Variants in IL15 observed in about 807,000 individuals in gnomAD.
The protein encoded by IL15 is interleukin-15.
IL15 carries 11 observed loss-of-function variants against 19.6 expected under a neutral mutation model. The ratio of observed to expected loss-of-function variants is 0.56; its 90% CI spans 0.35 to 0.93. The LOEUF is 0.93. IL15 is among the 40% of genes least tolerant of loss of function. The pLI, the probability that IL15 is intolerant of heterozygous loss-of-function variation, is 0.01. For missense variants in IL15, 197 were observed against 186.5 expected, an observed-to-expected ratio of 1.06 and a Z score of -0.33; for synonymous variants, 58 against 59.6, an observed-to-expected ratio of 0.97 and a Z score of 0.12.
intron 2 of IL15, among the ~76,000 whole-genome samples, chr4:141,682,241 C>A (rs1227217643): frequency 6.6e-6 from 1 of 152,126 alleles, no homozygotes; most frequent in Non-Finnish European, 1.5e-5. Flanking sequence ...CACAAATATT[C>A]AGCTTTGTTC....
chr4:141,723,550 G>A (rs1014644164), intron 5 of IL15, among the ~76,000 whole-genome samples: 3 of 152,108 alleles, frequency 2.0e-5, no homozygotes, highest in Admixed American at 2.0e-4. Context: ...CTTGACTTTG[G>A]ACTTCCAGTC....
At chr4:141,719,627 A>G (rs1730007777) in intron 3 of IL15, 151 bp downstream of exon 3, 1 of 635,122 alleles carries the variant, frequency 1.6e-6, no homozygotes, top group Non-Finnish European at 2.6e-6. Context: ...CTTATTTTGA[A>G]AATAAATAGG....
At chr4:141,646,189 G>A (rs1225979021) in intron 1 of IL15, among the ~76,000 whole-genome samples, 1 of 151,886 alleles carries the variant, frequency 6.6e-6, no homozygotes. Context: ...TATTAATCAG[G>A]TTATGCTACT....
intron 1 of IL15, among the ~76,000 whole-genome samples, chr4:141,643,299 C>G (rs1727114932): frequency 6.6e-6 from 1 of 151,942 alleles, no homozygotes; most frequent in Non-Finnish European, 1.5e-5. Flanking sequence ...TCATGTTTTT[C>G]TCCTCATGTT....
At chr4:141,705,461 A>C (rs905387474) in intron 2 of IL15, among the ~76,000 whole-genome samples, 1 of 152,044 alleles carries the variant, frequency 6.6e-6, no homozygotes, top group African/African-American at 2.4e-5. Flanking sequence ...TATGATCTCT[A>C]TCTTCTTAAA....
chr4:141,678,889 C>A (rs1381881849), intron 2 of IL15, among the ~76,000 whole-genome samples: 1 of 152,176 alleles, frequency 6.6e-6, no homozygotes, highest in Non-Finnish European at 1.5e-5. Flanking sequence ...TGTGAGCCAC[C>A]ACGCCCGGCC....
chr4:141,649,411 T>C (rs954219183), intron 1 of IL15, among the ~76,000 whole-genome samples: 13 of 152,208 alleles, frequency 8.5e-5, no homozygotes, highest in Non-Finnish European at 1.0e-4. Context: ...TGGTGACTGG[T>C]GCAGGGACTA....
intron 2 of IL15, among the ~76,000 whole-genome samples, chr4:141,693,016 C>CAAAAAAGAAAAAAAAA (rs1728968773): frequency 4.3e-5 from 1 of 23,232 alleles, no homozygotes; most frequent in African/African-American, 1.6e-4. Flanking sequence ...GACTCCGTCT[C>CAAAAAAGAAAAAAAAA]AAAAAAAAAA....
intron 2 of IL15, among the ~76,000 whole-genome samples, chr4:141,681,291 T>C (rs1471411711): frequency 2.9e-5 from 4 of 140,320 alleles, no homozygotes; most frequent in Non-Finnish European, 6.2e-5. Flanking sequence ...TTAACCTGTG[T>C]AAAAAAAAAA....
At chr4:141,699,797 T>G (rs1195624813) in intron 2 of IL15, among the ~76,000 whole-genome samples, 1 of 152,224 alleles carries the variant, frequency 6.6e-6, no homozygotes, top group African/African-American at 2.4e-5. Flanking sequence ...CTGTATGTTT[T>G]AAGTGGAGCC....
chr4:141,639,866 G>A (rs1726986057), intron 1 of IL15, among the ~76,000 whole-genome samples: 1 of 152,156 alleles, frequency 6.6e-6, no homozygotes, highest in Admixed American at 6.5e-5. Flanking sequence ...GGAGTTGAAG[G>A]AAAAATTGTT....
intron 2 of IL15, among the ~76,000 whole-genome samples, chr4:141,693,087 C>CTGACTCACAT (rs1460612616): frequency 7.6e-6 from 1 of 132,114 alleles, no homozygotes; most frequent in Non-Finnish European, 1.6e-5. Flanking sequence ...AGAGGTTTAA[C>CTGACTCACAT]TGACTCACAT....
chr4:141,695,192 T>C (rs1729050297), intron 2 of IL15, among the ~76,000 whole-genome samples: 1 of 151,198 alleles, frequency 6.6e-6, no homozygotes, highest in Non-Finnish European at 1.5e-5. Flanking sequence ...TAATTTTAAC[T>C]TTATACTCTT....
At chr4:141,667,553 A>G (rs958539627) in intron 2 of IL15, among the ~76,000 whole-genome samples, 17 of 152,140 alleles carry the variant, frequency 1.1e-4, no homozygotes, top group Admixed American at 1.0e-3. Flanking sequence ...GGTTTAATTC[A>G]TACCTTTTTT....
At chr4:141,665,437 T>A (rs1046525027) in intron 2 of IL15, among the ~76,000 whole-genome samples, 8 of 152,184 alleles carry the variant, frequency 5.3e-5, no homozygotes, top group African/African-American at 1.9e-4. Flanking sequence ...ATACTAGGTC[T>A]AGTTCCTCTT....
chr4:141,671,558 A>C (rs1429635136), intron 2 of IL15, among the ~76,000 whole-genome samples: 7 of 152,080 alleles, frequency 4.6e-5, no homozygotes, highest in Admixed American at 4.6e-4. Context: ...GGCTCATTCG[A>C]TATCTCCTCA....
At chr4:141,665,290 A>G (rs1174432366) in intron 2 of IL15, among the ~76,000 whole-genome samples, 1 of 152,150 alleles carries the variant, frequency 6.6e-6, no homozygotes, top group African/African-American at 2.4e-5. Flanking sequence ...AATAAGAATC[A>G]TATCAATTTT....
intron 2 of IL15, among the ~76,000 whole-genome samples, chr4:141,701,086 A>G (rs1729284091): frequency 6.6e-6 from 1 of 152,118 alleles, no homozygotes; most frequent in Non-Finnish European, 1.5e-5. Context: ...GACTAGCTGA[A>G]TAGTCAACCT....
chr4:141,697,341 G>A (rs1243461474), intron 2 of IL15, among the ~76,000 whole-genome samples: 1 of 151,874 alleles, frequency 6.6e-6, no homozygotes, highest in Non-Finnish European at 1.5e-5. Flanking sequence ...TTTATTTCTG[G>A]GTTCTCTAGT....
Sources: allele counts gnomAD v4.1 joint callset (sites outside exome capture counted in the v4.1 genomes callset), GRCh38; gene constraint gnomAD v4.1.1; transcripts MANE v1.5; gene names NCBI Gene and HGNC (gene_info 2026-07-23, HGNC 2026-07-21).